ASCC1: variants seen among roughly 807,000 people sequenced by gnomAD.
The protein encoded by ASCC1 is ASC-1 complex subunit P50.
Under a neutral mutation model 46.6 loss-of-function variants are expected in ASCC1, and 35 were observed. The observed-to-expected ratio is 0.75, with a 90% CI of 0.57 to 0.99. The LOEUF (loss-of-function observed/expected upper bound fraction) is 0.99, where lower values mean the gene tolerates loss of function less well. Ranked by LOEUF, ASCC1 falls within the 50% of genes least tolerant of loss-of-function variation. ASCC1 has a pLI of 0.00. For synonymous variants in ASCC1, 143 were observed against 146.6 expected (o/e 0.98, Z 0.18); for missense variants, 376 against 428.7 (o/e 0.88, Z 1.09).
intron 5 of ASCC1, among the ~76,000 whole-genome samples, chr10:72,168,963 C>T (rs929788104): frequency 9.9e-5 from 15 of 152,118 alleles, no homozygotes; most frequent in Non-Finnish European, 1.3e-4. Flanking sequence ...ATTAATATAC[C>T]CAACAATCCT....
At chr10:72,109,383 TG>T (rs899264010) in intron 9 of ASCC1, among the ~76,000 whole-genome samples, 6 of 152,202 alleles carry the variant, frequency 3.9e-5, no homozygotes, top group Non-Finnish European at 8.8e-5. Context: ...CTGACTGAGA[TG>T]GCATTCCTTG....
intron 6 of ASCC1, among the ~76,000 whole-genome samples, chr10:72,154,175 A>C (rs1394459380): frequency 2.0e-5 from 3 of 152,344 alleles, no homozygotes; most frequent in African/African-American, 7.2e-5. Context: ...TTGATAAAGC[A>C]AAGTTCTCCT....
intron 2 of ASCC1, among the ~76,000 whole-genome samples, chr10:72,212,779 C>T (rs1341667489): frequency 1.3e-5 from 2 of 151,962 alleles, no homozygotes; most frequent in African/African-American, 4.8e-5. Context: ...ACCTGGGAGG[C>T]GGAGGCTGCA....
intron 7 of ASCC1, among the ~76,000 whole-genome samples, chr10:72,147,261 T>C (rs573101604): frequency 6.6e-6 from 1 of 152,088 alleles, no homozygotes; most frequent in South Asian, 2.1e-4. Context: ...ACAACACCTT[T>C]TATTTTTTTT....
intron 5 of ASCC1, among the ~76,000 whole-genome samples, chr10:72,178,281 G>T (rs1233611619): frequency 1.3e-5 from 2 of 152,104 alleles, no homozygotes; most frequent in Non-Finnish European, 2.9e-5. Flanking sequence ...TTTTACCCTG[G>T]TATAATCCAG....
At chr10:72,156,771 C>CA (rs58283312) in intron 6 of ASCC1, among the ~76,000 whole-genome samples, 274 of 64,958 alleles carry the variant, frequency 4.2e-3, no homozygotes, top group Middle Eastern at 0.012. Context: ...GACTCCATCT[C>CA]AAAAAAAAAA....
At chr10:72,190,801 T>C (rs547727617) in intron 5 of ASCC1, among the ~76,000 whole-genome samples, 1 of 151,752 alleles carries the variant, frequency 6.6e-6, no homozygotes, top group African/African-American at 2.4e-5. Flanking sequence ...ATCGAGACCA[T>C]CCTGGCCAAC....
intron 9 of ASCC1, among the ~76,000 whole-genome samples, chr10:72,105,274 C>T (rs1447712135): frequency 6.6e-6 from 1 of 152,338 alleles, no homozygotes; most frequent in African/African-American, 2.4e-5. Context: ...ACAAAGAGAA[C>T]ATTCTAACAT....
At chr10:72,197,274 AT>A (rs1855579378) in intron 4 of ASCC1, among the ~76,000 whole-genome samples, 1 of 151,978 alleles carries the variant, frequency 6.6e-6, no homozygotes, top group Non-Finnish European at 1.5e-5. Flanking sequence ...GATCGAGACC[AT>A]CCTGGCTAAC....
chr10:72,098,764 G>T (rs1354277546), intron 9 of ASCC1, among the ~76,000 whole-genome samples: 1 of 152,218 alleles, frequency 6.6e-6, no homozygotes, highest in African/African-American at 2.4e-5. Flanking sequence ...TGACCCCAAA[G>T]ATCTATTTAG....
chr10:72,190,026 A>G, intron 5 of ASCC1: 1 of 758,734 alleles, frequency 1.3e-6, no homozygotes, highest in Admixed American at 1.7e-5. Flanking sequence ...CACTGCTGGC[A>G]GTACCGCCAG....
At chr10:72,123,066 G>C (rs1158170041) in intron 9 of ASCC1, among the ~76,000 whole-genome samples, 1 of 152,162 alleles carries the variant, frequency 6.6e-6, no homozygotes, top group Non-Finnish European at 1.5e-5. Flanking sequence ...GGCTGGGCGC[G>C]GTGGCTAATG....
At chr10:72,177,553 T>A (rs1852009100) in intron 5 of ASCC1, among the ~76,000 whole-genome samples, 1 of 152,196 alleles carries the variant, frequency 6.6e-6, no homozygotes, top group Non-Finnish European at 1.5e-5. Context: ...CTATAACTGA[T>A]TCAGGTTCTC....
At chr10:72,133,435 T>C in intron 7 of ASCC1, 1 of 459,788 alleles carries the variant, frequency 2.2e-6, no homozygotes, top group Non-Finnish European at 4.0e-6. Context: ...TGATCAACTC[T>C]ACATGGAGAG....
chr10:72,148,600 C>A (rs1394143484), intron 7 of ASCC1, among the ~76,000 whole-genome samples: 2 of 152,206 alleles, frequency 1.3e-5, no homozygotes, highest in Admixed American at 6.5e-5. Context: ...ATCAGTTTGA[C>A]AGCTTCCCAA....
chr10:72,149,091 T>C (rs1015334483), intron 7 of ASCC1, among the ~76,000 whole-genome samples: 1 of 151,960 alleles, frequency 6.6e-6, no homozygotes, highest in Non-Finnish European at 1.5e-5. Flanking sequence ...ACCATGCCTA[T>C]CTTCTCACTA....
chr10:72,161,724 T>A (rs1469889081), intron 5 of ASCC1, 50 bp from the exon 6 acceptor site: 1 of 1,611,836 alleles, frequency 6.2e-7, no homozygotes, highest in Non-Finnish European at 8.5e-7. Context: ...CAAAGGCAAA[T>A]GGCAAGAATA....
At chr10:72,106,686 C>G (rs1842380466) in intron 9 of ASCC1, among the ~76,000 whole-genome samples, 1 of 152,156 alleles carries the variant, frequency 6.6e-6, no homozygotes, top group South Asian at 2.1e-4. Context: ...TAAATAACAC[C>G]TTTCATCTAA....
chr10:72,145,714 T>C (rs1202188480), intron 7 of ASCC1, among the ~76,000 whole-genome samples: 1 of 152,192 alleles, frequency 6.6e-6, no homozygotes, highest in East Asian at 1.9e-4. Flanking sequence ...GCAATTACAT[T>C]AATATATTCA....
Sources: gnomAD v4.1 joint callset for allele counts (sites outside exome capture counted in the v4.1 genomes callset) on GRCh38, gnomAD v4.1.1 for gene constraint, MANE v1.5 for transcripts, NCBI Gene and HGNC (gene_info 2026-07-23, HGNC 2026-07-21) for gene names.